Variants in LIME1 observed in about 807,000 individuals in gnomAD.
LIME1 encodes Lck interacting transmembrane adaptor 1.
A neutral mutation model predicts 18.8 loss-of-function variants in LIME1; 23 were observed. The observed-to-expected ratio is 1.22, with a 90% CI of 0.88 to 1.73. LIME1 has a LOEUF of 1.73. Among genes scored for constraint, LIME1 ranks in the 40% most tolerant of loss-of-function variants. The probability of loss-of-function intolerance (pLI) is 0.00; values close to 1 mark genes in which losing one functional copy is unlikely to be tolerated. For missense variants in LIME1, 423 were observed against 396.8 expected (o/e 1.07, Z -0.56); for synonymous variants, 177 against 182.3 (o/e 0.97, Z 0.23).
Position 63,737,624 on chromosome 20 carries a change from G to A in LIME1, c.75G>A (p.Trp25Ter). 1.3e-6 allele frequency: 2 copies of A among 1,599,640 alleles called. No homozygotes were observed. The highest frequency in any genetic ancestry group is 1.7e-6 in the Non-Finnish European group (2 of 1,174,618). Residue 25 changes from tryptophan to a stop codon, truncating the protein, a stop_gained, in exon 2 of 6, where the codon TGG (tryptophan) becomes TGA (stop). Coordinates refer to ENST00000309546, the MANE Select transcript of LIME1 (RefSeq NM_017806.4). LOFTEE classifies it high-confidence loss of function. ...LGCCALLLSLWALCTACRRPE... is the reference protein window; with the variant it reads ...LGCCALLLSL ...GCTGCGCCCTGCTCCTCTCGCTGTGGGCGCTGTGCACAGCCTGCCGCAGGT... is the reference window on the plus strand; with the variant it reads ...GCTGCGCCCTGCTCCTCTCGCTGTGAGCGCTGTGCACAGCCTGCCGCAGGT...
In LIME1 at chr20:63,738,697, C is replaced by G; in HGVS notation, c.685C>G (p.Leu229Val). The G allele has an allele frequency of 6.2e-7, 1 of 1,612,872 alleles. No individual in the cohort carries two copies. Among genetic ancestry groups the G allele is most frequent in the Non-Finnish European group, 8.5e-7 (1 of 1,179,872 alleles). ...DPKGQGAILALAGDLAYQTLP... is the reference protein window; with the variant it reads ...DPKGQGAILAVAGDLAYQTLP... ...CAAGGGCCAGGGAGCGATTCTGGCC[C>G]TGGCGGGTGACCTGGCCTACCAGAC... The change falls in exon 6 of 6, where the codon CTG becomes GTG. Residue 229 changes from leucine (L) to valine (V), a missense_variant. Transcript: ENST00000309546.
chr20:63,736,158 C>T, upstream of LIME1: 1 of 577,908 alleles, frequency 1.7e-6, no homozygotes, highest in South Asian at 2.1e-5. Context: ...TGGAGATCAG[C>T]TGGCTGCAGG....
chr20:63,737,949 C>G, intron 3 of LIME1, 24 bp from the exon 4 acceptor site: 1 of 1,570,364 alleles, frequency 6.4e-7, no homozygotes, highest in African/African-American at 1.4e-5. Context: ...CCGCAGGGCA[C>G]CGACCAGCCT....
intron 1 of LIME1, chr20:63,737,315 A>G: frequency 7.8e-7 from 1 of 1,280,754 alleles, no homozygotes; most frequent in South Asian, 2.6e-5. Context: ...CGGAGGGGCC[A>G]GGCAGAGCAG....
At chr20:63,736,035 G>A, upstream of LIME1, 2 of 1,429,056 alleles carry the variant, frequency 1.4e-6, no homozygotes, top group East Asian at 4.8e-5. Context: ...AGACACTGCT[G>A]AGTGGAGACA....
chr20:63,738,749 A>G lies in LIME1; in HGVS notation c.737A>G (p.Asp246Gly), dbSNP rs1192665730. 3.1e-6 allele frequency: 5 copies of G among 1,613,024 alleles called. No individual in the cohort carries two copies. The Middle Eastern group carries it at 6.6e-4, about 213-fold the overall frequency. The change falls in exon 6 of 6, where the codon GAC (aspartate) becomes GGC (glycine). Residue 246 changes from aspartate (D) to glycine (G), a missense_variant. Physicochemically the swap from Asp to Gly is moderately conservative, Grantham distance 94 (BLOSUM62 -1). Transcript: ENST00000309546. ...QTLPLRALDV[D>G]SGPLENVYES... is the part of the protein sequence containing the mutation. Reference sequence around the variant, plus strand: ...CTCCCGCTCAGGGCCCTGGATGTGGACAGCGGCCCCCTGGAAAACGTGTAT... The same window carrying G: ...CTCCCGCTCAGGGCCCTGGATGTGGGCAGCGGCCCCCTGGAAAACGTGTAT...
chr20:63,735,989 C>T, upstream of LIME1: 1 of 1,555,546 alleles, frequency 6.4e-7, no homozygotes, highest in Non-Finnish European at 8.7e-7. Context: ...ACCAGTGTTG[C>T]CCGAGGAGGG....
upstream of LIME1, chr20:63,736,370 T>C: frequency 5.5e-6 from 1 of 182,842 alleles, no homozygotes; most frequent in African/African-American, 2.4e-5. Context: ...GGGAGAGGAC[T>C]GTGGCCCACC....
In LIME1 at chr20:63,738,359, GGGCT is replaced by G; in HGVS notation, c.449_452del (p.Leu150ArgfsTer40). 1 of 1,556,400 alleles carries G rather than the reference GGGCT, an allele frequency of 6.4e-7. No homozygotes were observed. The highest frequency in any genetic ancestry group is 2.4e-5 in the East Asian group (1 of 41,748). ...CCTCGAGGCCACCTATTCCAACGTG[GGGCT>G]GGCGGCCCTTCCCGGGGTCAGCCTG... On this transcript the variant is annotated frameshift_variant, in exon 5 of 6. Coordinates refer to ENST00000309546, the MANE Select transcript of LIME1 (RefSeq NM_017806.4). LOFTEE classifies it high-confidence loss of function.
intron 1 of LIME1, 78 bp downstream of exon 1, chr20:63,736,790 GA>G (rs1329563509): frequency 1.0e-6 from 1 of 985,528 alleles, no homozygotes; most frequent in African/African-American, 1.7e-5. Flanking sequence ...CAGCCAGGCT[GA>G]AGCCCACTCC....
chr20:63,738,234 C>A lies in LIME1; in HGVS notation c.320C>A (p.Ser107Tyr). The A allele has an allele frequency of 6.3e-7, 1 of 1,591,198 alleles. No individual in the cohort carries two copies. Among genetic ancestry groups the A allele is most frequent in the Non-Finnish European group, 8.5e-7 (1 of 1,174,010 alleles). Reference sequence around the variant, plus strand: ...CTGCGCCCACACTGGCTGGAGGTGTCCAGGGACATCACCGGACCGCAGGCA... The same window carrying A: ...CTGCGCCCACACTGGCTGGAGGTGTACAGGGACATCACCGGACCGCAGGCA... ...DLLRPHWLEV[S>Y]RDITGPQAAP... Residue 107 changes from serine (S) to tyrosine (Y), a missense_variant, in exon 5 of 6, where the codon TCC becomes TAC. By Grantham distance (144) the Ser-to-Tyr change is moderately radical (BLOSUM62 -2). Coordinates refer to ENST00000309546, the MANE Select transcript of LIME1 (RefSeq NM_017806.4).
At chr20:63,737,792 GC>G (rs2092009174) in intron 2 of LIME1, 28 bp from the exon 3 acceptor site, 9 of 816,440 alleles carry the variant, frequency 1.1e-5, no homozygotes, top group South Asian at 1.9e-5. Context: ...TGACGACCCC[GC>G]CCCCCGCCCC....
rs1327094619 is a variant in LIME1, at chr20:63,738,078, C to CGGGGGG, written c.268+23_268+24insGGGGGG. On this transcript the variant is annotated intron_variant, in intron 4 of 5. Transcript: ENST00000309546. ...CAGCAGGGGTGAGCAGAGGGCGGGG[C>CGGGGGG]GGGGGCGGCCGGGCGGGGCTTACTG... 32 of 1,171,418 alleles carry CGGGGGG rather than the reference C, an allele frequency of 2.7e-5. No homozygotes were observed. The highest frequency in any genetic ancestry group is 5.3e-5 in the South Asian group (4 of 75,158). 72.6% of individuals were successfully genotyped at this position (1,171,418 alleles called of 1,614,324 possible). A position where few individuals can be genotyped will look rare whatever the true frequency, so the allele number is the denominator to read the frequency against.
chr20:63,736,885 T>A (rs959359186), intron 1 of LIME1, 173 bp downstream of exon 1: 2 of 986,046 alleles, frequency 2.0e-6, no homozygotes, highest in Admixed American at 6.1e-5. Flanking sequence ...CTGTGCTGTT[T>A]GTAAGGCATC....
In LIME1 at chr20:63,738,996, T is replaced by C. The variant is rs1056441; in HGVS notation, c.*96T>C. 0.7 allele frequency: 846,999 copies of C among 1,214,620 alleles called. 300,115 individuals carry two copies. The highest frequency in any genetic ancestry group is 0.92 in the African/African-American group (59,796 of 64,956). 75.2% of individuals were successfully genotyped at this position (1,214,620 alleles called of 1,614,324 possible). ...CAGCGCCAGTCCCAGGTCCCCGGGC[T>C]GCCAGCCCGTGAGGTCCGTGAGGTC... is the stretch of plus-strand genomic sequence containing the variant. On this transcript the variant is annotated 3_prime_UTR_variant, in exon 6 of 6. Coordinates refer to ENST00000309546, the MANE Select transcript of LIME1 (RefSeq NM_017806.4).
In LIME1 at chr20:63,738,794, G is replaced by A; in HGVS notation, c.782G>A (p.Gly261Glu). 1 of 1,612,910 alleles carries A rather than the reference G, an allele frequency of 6.2e-7. No individual in the cohort carries two copies. Among genetic ancestry groups the A allele is most frequent in the African/African-American group, 1.3e-5 (1 of 75,070 alleles). Residue 261 changes from glycine to glutamate, a missense_variant, in exon 6 of 6, where the codon GGG (glycine) becomes GAG (glutamate). By Grantham distance (98) the Gly-to-Glu change is moderately conservative. Transcript: ENST00000309546. The part of the protein sequence containing the change: ...ENVYESIREL[G>E]DPAGRSSTCG... ...GTGTATGAGAGCATCCGGGAGCTGGGGGACCCTGCTGGCAGGAGCAGCACG... is the reference window on the plus strand; with the variant it reads ...GTGTATGAGAGCATCCGGGAGCTGGAGGACCCTGCTGGCAGGAGCAGCACG...
intron 1 of LIME1, chr20:63,737,300 G>A: frequency 1.6e-6 from 2 of 1,258,708 alleles, no homozygotes; most frequent in East Asian, 6.6e-5. Flanking sequence ...TCACCCGCAG[G>A]GACACGGAGG....
rs780488602 is a variant in LIME1, at chr20:63,738,817, A to T, written c.805A>T (p.Thr269Ser). The T allele has an allele frequency of 1.6e-5, 26 of 1,612,266 alleles. No homozygotes were observed. In the African/African-American group the frequency reaches 3.1e-4, roughly 19 times the overall value. The change falls in exon 6 of 6, where the codon ACG becomes TCG. Residue 269 changes from threonine to serine, a missense_variant. Physicochemically the swap from Thr to Ser is moderately conservative, Grantham distance 58. Coordinates refer to ENST00000309546, the MANE Select transcript of LIME1 (RefSeq NM_017806.4). ...ELGDPAGRSS[T>S]CGAGTPPASS... ...GGGGGACCCTGCTGGCAGGAGCAGC[A>T]CGTGCGGGGCTGGGACGCCCCCTGC...
In LIME1 at chr20:63,737,592, C is replaced by A; in HGVS notation, c.43C>A (p.Leu15Ile). The A allele has an allele frequency of 6.2e-7, 1 of 1,604,652 alleles. No homozygotes were observed. Among genetic ancestry groups the A allele is most frequent in the Middle Eastern group, 1.7e-4 (1 of 6,008 alleles). ...VSWAPPALWV[L>I]GCCALLLSLW... Reference sequence around the variant, plus strand: ...CTGGGCCCCTCCTGCCCTCTGGGTTCTAGGGTGCTGCGCCCTGCTCCTCTC... The same window carrying A: ...CTGGGCCCCTCCTGCCCTCTGGGTTATAGGGTGCTGCGCCCTGCTCCTCTC... Residue 15 changes from leucine (L) to isoleucine (I), a missense_variant, in exon 2 of 6, where the codon CTA (leucine) becomes ATA (isoleucine). Physicochemically the swap from Leu to Ile is conservative, Grantham distance 5. Coordinates refer to ENST00000309546, the MANE Select transcript of LIME1 (RefSeq NM_017806.4).
Sources: gnomAD v4.1 joint callset for allele counts on GRCh38, gnomAD v4.1.1 for gene constraint, MANE v1.5 for transcripts, NCBI Gene and HGNC (gene_info 2026-07-23, HGNC 2026-07-21) for gene names.